The following LDLRAD3 variants were observed in gnomAD, a reference collection of about 807,000 sequenced individuals.
The protein encoded by LDLRAD3 is low density lipoprotein receptor class A domain containing 3.
A neutral mutation model predicts 29.4 loss-of-function variants in LDLRAD3; 20 were observed. The observed-to-expected ratio is 0.68, with a 90% CI of 0.48 to 0.99. LDLRAD3 has a LOEUF of 0.99. Ranked by LOEUF, LDLRAD3 falls within the 50% of genes least tolerant of loss-of-function variation. LDLRAD3 has a pLI of 0.00. For missense variants in LDLRAD3, 420 were observed against 454.3 expected (o/e 0.92, Z 0.69); for synonymous variants, 157 against 192.7 (o/e 0.81, Z 1.53).
chr11:36,229,485 C>A lies in LDLRAD3; in HGVS notation c.*88C>A. The A allele has an allele frequency of 1.1e-6, 1 of 934,406 alleles. No individual in the cohort carries two copies. Among genetic ancestry groups the A allele is most frequent in the Non-Finnish European group, 1.7e-6 (1 of 596,152 alleles). The allele number at this position is 934,406 out of a possible 1,614,324, so 57.9% of individuals were successfully genotyped here. A position where few individuals can be genotyped will look rare whatever the true frequency, so the allele number is the denominator to read the frequency against. On this transcript the variant is annotated 3_prime_UTR_variant, in exon 6 of 6. Transcript: ENST00000315571. The stretch of plus-strand genomic sequence containing the variant: ...TTGTGCTCATGGGAAGCTCTTTAAG[C>A]ACCTGTAAGGGTGTCTCAAGTTACA...
At chr11:36,045,927 G>A (rs7128113) in intron 2 of LDLRAD3, among the ~76,000 whole-genome samples, 3,011 of 151,892 alleles carry the variant, frequency 0.02, 92 homozygotes, top group African/African-American at 0.069. Flanking sequence ...TAAGACCCGC[G>A]TGCATTAGGT....
At chr11:36,215,713 A>T (rs1855343659) in intron 4 of LDLRAD3, among the ~76,000 whole-genome samples, 1 of 152,140 alleles carries the variant, frequency 6.6e-6, no homozygotes, top group Non-Finnish European at 1.5e-5. Context: ...GAAGCCATGA[A>T]TTTGTTCATG....
intron 1 of LDLRAD3, among the ~76,000 whole-genome samples, chr11:36,033,246 G>A (rs540191372): frequency 3.0e-4 from 46 of 152,260 alleles, no homozygotes; most frequent in African/African-American, 9.9e-4. Context: ...TGCCTAATGC[G>A]GTTGCTCAGA....
chr11:36,000,235 A>G (rs1241872468), intron 1 of LDLRAD3, among the ~76,000 whole-genome samples: 2 of 149,574 alleles, frequency 1.3e-5, no homozygotes, highest in Non-Finnish European at 3.0e-5. Context: ...TGTGTAATAT[A>G]TGTATACATG....
At chr11:35,974,209 AGCAT>A (rs2133150156) in intron 1 of LDLRAD3, among the ~76,000 whole-genome samples, 1 of 152,270 alleles carries the variant, frequency 6.6e-6, no homozygotes, top group Admixed American at 6.5e-5. Context: ...ACACATTAAA[AGCAT>A]GTTTTCTCTT....
At chr11:36,184,655 A>G (rs1854819604) in intron 4 of LDLRAD3, among the ~76,000 whole-genome samples, 1 of 152,246 alleles carries the variant, frequency 6.6e-6, no homozygotes, top group Non-Finnish European at 1.5e-5. Context: ...TCCCTGGACC[A>G]TCTGAGTAAT....
intron 4 of LDLRAD3, among the ~76,000 whole-genome samples, chr11:36,127,609 T>C (rs1853856494): frequency 2.0e-5 from 3 of 152,214 alleles, no homozygotes; most frequent in Admixed American, 1.3e-4. Context: ...CAGTTTTTGC[T>C]CCTACATCAG....
rs1326399779 is a variant in LDLRAD3 at position 36,230,344 on chromosome 11, A to G, written c.*947A>G. ...CACACCCAGCCTGTCTTGCTCATTC[A>G]TGCAGCCTCAACACTGGCCTCCAAA... On this transcript the variant is annotated 3_prime_UTR_variant, in exon 6 of 6. Coordinates refer to ENST00000315571, the MANE Select transcript of LDLRAD3 (RefSeq NM_174902.4). 1 of 152,514 alleles carries G rather than the reference A, an allele frequency of 6.6e-6. No individual in the cohort carries two copies. Among genetic ancestry groups the G allele is most frequent in the Non-Finnish European group, 1.5e-5 (1 of 68,118 alleles). The allele number at this position is 152,514 out of a possible 1,614,324, so 9.4% of individuals were successfully genotyped here.
chr11:36,013,736 G>A (rs1370388183), intron 1 of LDLRAD3, among the ~76,000 whole-genome samples: 1 of 151,900 alleles, frequency 6.6e-6, no homozygotes, highest in African/African-American at 2.4e-5. Flanking sequence ...TACAAAGTCT[G>A]TTTCCTTTTC....
At chr11:36,155,499 C>T (rs1470364554) in intron 4 of LDLRAD3, among the ~76,000 whole-genome samples, 1 of 152,208 alleles carries the variant, frequency 6.6e-6, no homozygotes, top group African/African-American at 2.4e-5. Flanking sequence ...TCTCCCCACG[C>T]TGGCCTCCGT....
intron 1 of LDLRAD3, among the ~76,000 whole-genome samples, chr11:36,033,425 G>A (rs1852263981): frequency 6.6e-6 from 1 of 152,202 alleles, no homozygotes; most frequent in African/African-American, 2.4e-5. Flanking sequence ...TGTGCCGCCA[G>A]CCTTATTGAC....
chr11:36,224,921 A>AT lies in LDLRAD3; in HGVS notation c.455-2161dup, dbSNP rs1377002779. 3.9e-5 allele frequency among the ~76,000 whole-genome samples: 6 copies of AT among 152,290 alleles called. No homozygotes were observed. The East Asian group carries it at 7.7e-4, about 20-fold the overall frequency. The stretch of plus-strand genomic sequence containing the variant: ...CAAAATAATTCACCTCTCTGAGTCA[A>AT]TTTGCTTATCTGAAAAATAGCAATA... On this transcript the variant is annotated intron_variant, in intron 4 of 5. Coordinates refer to ENST00000315571, the MANE Select transcript of LDLRAD3 (RefSeq NM_174902.4).
chr11:36,140,761 A>G (rs1854070103), intron 4 of LDLRAD3, among the ~76,000 whole-genome samples: 1 of 152,194 alleles, frequency 6.6e-6, no homozygotes, highest in South Asian at 2.1e-4. Context: ...AATATTATTT[A>G]TTTATCATAG....
At chr11:36,209,839 G>A (rs1470438370) in intron 4 of LDLRAD3, among the ~76,000 whole-genome samples, 1 of 152,194 alleles carries the variant, frequency 6.6e-6, no homozygotes, top group Non-Finnish European at 1.5e-5. Flanking sequence ...AAATCAGGGT[G>A]TAACCATGCA....
At chr11:36,210,578 GC>G (rs1162686778) in intron 4 of LDLRAD3, among the ~76,000 whole-genome samples, 1 of 152,058 alleles carries the variant, frequency 6.6e-6, no homozygotes, top group Non-Finnish European at 1.5e-5. Flanking sequence ...GTGACCCACT[GC>G]CCAGGAGGCC....
intron 1 of LDLRAD3, among the ~76,000 whole-genome samples, chr11:35,994,010 G>A (rs1444396176): frequency 1.3e-5 from 2 of 152,130 alleles, no homozygotes; most frequent in Non-Finnish European, 1.5e-5. Flanking sequence ...GGAATTCAGT[G>A]TTGGTAAATG....
intron 4 of LDLRAD3, among the ~76,000 whole-genome samples, chr11:36,183,205 G>A (rs1226166649): frequency 1.3e-5 from 2 of 152,094 alleles, no homozygotes; most frequent in Non-Finnish European, 2.9e-5. Context: ...TTAACTTTTG[G>A]GAGACACTTC....
intron 1 of LDLRAD3, chr11:35,967,067 T>A (rs1009090025): frequency 1.5e-5 from 3 of 205,452 alleles, no homozygotes; most frequent in African/African-American, 7.0e-5. Flanking sequence ...TCTTTCCTCC[T>A]ACCAGGCATT....
chr11:35,975,220 G>A (rs868188658), intron 1 of LDLRAD3, among the ~76,000 whole-genome samples: 2 of 152,100 alleles, frequency 1.3e-5, no homozygotes, highest in African/African-American at 2.4e-5. Flanking sequence ...ATTTGGCCCC[G>A]AAATTCTGTA....
Sources: gnomAD v4.1 joint callset for allele counts (sites outside exome capture counted in the v4.1 genomes callset) on GRCh38, gnomAD v4.1.1 for gene constraint, MANE v1.5 for transcripts, NCBI Gene and HGNC (gene_info 2026-07-23, HGNC 2026-07-21) for gene names.